The following XRCC5 variants were observed in gnomAD, a reference collection of about 807,000 sequenced individuals.
The protein encoded by XRCC5 is DNA repair protein Ku80.
A neutral mutation model predicts 95.7 loss-of-function variants in XRCC5; 12 were observed. That is an observed-to-expected ratio of 0.13 (90% CI 0.08 to 0.20). XRCC5 has a LOEUF of 0.20. Among genes scored for constraint, XRCC5 ranks in the 10% least tolerant of loss-of-function variants. XRCC5 has a pLI of 1.00. For synonymous variants in XRCC5, 281 were observed against 290.3 expected, an observed-to-expected ratio of 0.97 and a Z score of 0.33; for missense variants, 595 against 873.9, an observed-to-expected ratio of 0.68 and a Z score of 4.02.
intron 16 of XRCC5, among the ~76,000 whole-genome samples, chr2:216,170,508 G>C (rs1689141576): frequency 6.8e-6 from 1 of 146,272 alleles, no homozygotes; most frequent in African/African-American, 2.6e-5. Context: ...GAGAGAGAGA[G>C]ACACTTTTAA....
intron 9 of XRCC5, among the ~76,000 whole-genome samples, chr2:216,131,861 C>G (rs1272169920): frequency 6.6e-6 from 1 of 152,244 alleles, no homozygotes; most frequent in Non-Finnish European, 1.5e-5. Context: ...CTCCAGACTT[C>G]TATTGATACT....
chr2:216,181,245 A>G (rs1689381282), intron 16 of XRCC5, among the ~76,000 whole-genome samples: 1 of 152,018 alleles, frequency 6.6e-6, no homozygotes, highest in Non-Finnish European at 1.5e-5. Flanking sequence ...GGCTTTCATT[A>G]TTTTATCATT....
chr2:216,185,868 G>A (rs758411288), intron 16 of XRCC5, among the ~76,000 whole-genome samples: 4 of 151,954 alleles, frequency 2.6e-5, no homozygotes, highest in East Asian at 1.9e-4. Flanking sequence ...CAAGTGATCC[G>A]TCCTCCTTGG....
At chr2:216,127,760 G>T in intron 8 of XRCC5, 86 bp downstream of exon 8, 1 of 1,375,838 alleles carries the variant, frequency 7.3e-7, no homozygotes, top group Non-Finnish European at 9.7e-7. Flanking sequence ...ATTATTCTTT[G>T]TTTAAAGTTA....
intron 11 of XRCC5, among the ~76,000 whole-genome samples, 159 bp downstream of exon 11, chr2:216,137,384 C>T (rs1266952738): frequency 6.6e-6 from 1 of 152,122 alleles, no homozygotes; most frequent in Non-Finnish European, 1.5e-5. Context: ...CTCTGTTTCT[C>T]TCGAGAAATG....
rs746493174 is a variant in XRCC5, at chr2:216,172,469, C to CTTTTTTTTTTT, written c.1834+10428_1834+10438dup. On this transcript the variant is annotated intron_variant, in intron 16 of 20. Transcript: ENST00000392132. Reference sequence around the variant, plus strand: ...AAACTTTAGCATCAGCTTTTCTTTTCTTTTTTTTTTTTTTTTTGAGACAAA... The same window carrying CTTTTTTTTTTT: ...AAACTTTAGCATCAGCTTTTCTTTTCTTTTTTTTTTTTTTTTTTTTTTTTTTTTGAGACAAA... 8.6e-3 allele frequency among the ~76,000 whole-genome samples: 928 copies of CTTTTTTTTTTT among 107,638 alleles called. 117 individuals are homozygous for CTTTTTTTTTTT. Among genetic ancestry groups the CTTTTTTTTTTT allele is most frequent in the African/African-American group, 0.033 (838 of 25,390 alleles). 70.6% of individuals were successfully genotyped at this position (107,638 alleles called of 152,430 possible). A position where few individuals can be genotyped will look rare whatever the true frequency, so the allele number is the denominator to read the frequency against.
intron 16 of XRCC5, among the ~76,000 whole-genome samples, chr2:216,162,919 A>G (rs1688980150): frequency 6.6e-6 from 1 of 152,198 alleles, no homozygotes; most frequent in Non-Finnish European, 1.5e-5. Context: ...ACTAACATTC[A>G]TTCACTTGAT....
chr2:216,156,546 G>A (rs1688845621), intron 14 of XRCC5: 10 of 599,816 alleles, frequency 1.7e-5, no homozygotes, highest in South Asian at 6.9e-5. Flanking sequence ...CTGGCTTCCC[G>A]GTACTTGGTG....
chr2:216,134,600 G>A (rs1169816226), intron 10 of XRCC5, among the ~76,000 whole-genome samples: 1 of 151,272 alleles, frequency 6.6e-6, no homozygotes, highest in Non-Finnish European at 1.5e-5. Flanking sequence ...GCTAATTTTT[G>A]TATTTTTTGT....
At chr2:216,183,507 G>GAAT (rs891030764) in intron 16 of XRCC5, among the ~76,000 whole-genome samples, 34 of 152,146 alleles carry the variant, frequency 2.2e-4, no homozygotes, top group Admixed American at 4.6e-4. Context: ...TTATTGGTAA[G>GAAT]AATAATAATA....
chr2:216,138,156 A>C lies in XRCC5; in HGVS notation c.1319A>C (p.Asn440Thr). The change falls in exon 12 of 21, where the codon AAC (asparagine) becomes ACC (threonine). Residue 440 changes from asparagine (N) to threonine (T), a missense_variant. Physicochemically the swap from Asn to Thr is moderately conservative, Grantham distance 65. Around this residue, in one of 2 missense-constraint regions of XRCC5, gnomAD observed 309 missense variants for 382.9 expected, o/e 0.81. Coordinates refer to ENST00000392132, the MANE Select transcript of XRCC5 (RefSeq NM_021141.4). The part of the protein sequence containing the change: ...LRQYMFSSLK[N>T]SKKYAPTEAQ... The stretch of plus-strand genomic sequence containing the variant: ...CAATACATGTTTTCATCCTTGAAAA[A>C]CAGTAAGAAATATGCTCCCACCGGT... The C allele has an allele frequency of 6.2e-7, 1 of 1,613,214 alleles. No individual in the cohort carries two copies. The highest frequency in any genetic ancestry group is 8.5e-7 in the Non-Finnish European group (1 of 1,179,916).
rs2288235 is a variant in XRCC5, at chr2:216,112,859, T to G, written c.22-157T>G. On this transcript the variant is annotated intron_variant, in intron 1 of 20. Transcript: ENST00000392132. Reference sequence around the variant, plus strand: ...TTTAAGGGTTTTCCATAGTGAAAATTTATATGTCTTACACACATTCTTATG... The same window carrying G: ...TTTAAGGGTTTTCCATAGTGAAAATGTATATGTCTTACACACATTCTTATG... Among the ~76,000 whole-genome samples the G allele has an allele frequency of 1.5e-3, 226 of 152,364 alleles. 7 individuals carry two copies. In the East Asian group the frequency reaches 0.042, roughly 28 times the overall value.
chr2:216,161,532 A>G (rs1688951045), intron 15 of XRCC5, among the ~76,000 whole-genome samples: 1 of 152,210 alleles, frequency 6.6e-6, no homozygotes, highest in Non-Finnish European at 1.5e-5. Context: ...CAGTCCCACT[A>G]ATGGGCACTT....
At chr2:216,158,110 T>G (rs564578927) in intron 14 of XRCC5, among the ~76,000 whole-genome samples, 1 of 152,338 alleles carries the variant, frequency 6.6e-6, no homozygotes, top group South Asian at 2.1e-4. Flanking sequence ...AACCTCATTT[T>G]GGAGGGTTGA....
intron 14 of XRCC5, among the ~76,000 whole-genome samples, chr2:216,154,862 A>G (rs191859532): frequency 1.3e-5 from 2 of 152,356 alleles, no homozygotes; most frequent in Admixed American, 1.3e-4. Flanking sequence ...TTACACAGAT[A>G]AGAGAATCCA....
chr2:216,120,805 G>A (rs1449338930), intron 5 of XRCC5, among the ~76,000 whole-genome samples: 1 of 152,018 alleles, frequency 6.6e-6, no homozygotes, highest in Non-Finnish European at 1.5e-5. Context: ...GTGCAATCTC[G>A]GCTCACTGCA....
chr2:216,168,027 A>T (rs947732106), intron 16 of XRCC5, among the ~76,000 whole-genome samples: 1 of 152,204 alleles, frequency 6.6e-6, no homozygotes, highest in Non-Finnish European at 1.5e-5. Context: ...GAACCTGACA[A>T]TCCAGGCTTA....
In XRCC5 at chr2:216,152,333, G is replaced by A. The variant is rs759478270; in HGVS notation, c.1670+4057G>A. ...GCACAAGCCTGTAATCCAGCCACTC[G>A]GGAGGCTGAGGCACGAAAATTGCTT... On this transcript the variant is annotated intron_variant, in intron 14 of 20. Coordinates refer to ENST00000392132, the MANE Select transcript of XRCC5 (RefSeq NM_021141.4). 3.2e-4 allele frequency among the ~76,000 whole-genome samples: 49 copies of A among 152,140 alleles called. No homozygotes were observed. In the Middle Eastern group the frequency reaches 0.02, roughly 63 times the overall value.
intron 5 of XRCC5, among the ~76,000 whole-genome samples, chr2:216,119,739 T>G (rs369030262): frequency 1.9e-4 from 29 of 152,368 alleles, no homozygotes; most frequent in African/African-American, 6.5e-4. Flanking sequence ...GGGAAAAATA[T>G]GTATTTCACA....
Sources: gnomAD v4.1 joint callset for allele counts (sites outside exome capture counted in the v4.1 genomes callset) on GRCh38, gnomAD v4.1.1 for gene constraint, gnomAD v4.1.1 regional missense constraint, MANE v1.5 for transcripts, NCBI Gene and HGNC (gene_info 2026-07-23, HGNC 2026-07-21) for gene names.